Variants in NIPAL4 observed in about 807,000 individuals in gnomAD.
NIPAL4 encodes NIPA like domain containing 4, also known as magnesium transporter NIPA4.
Under a neutral mutation model 31.6 loss-of-function variants are expected in NIPAL4, and 21 were observed. The observed-to-expected ratio is 0.67, with a 90% CI of 0.47 to 0.96. The LOEUF is 0.96. NIPAL4 is among the 40% of genes least tolerant of loss of function. The probability of loss-of-function intolerance (pLI) is 0.00; values close to 1 mark genes in which losing one functional copy is unlikely to be tolerated. For missense variants in NIPAL4, 438 were observed against 508.0 expected, an observed-to-expected ratio of 0.86 and a Z score of 1.32; for synonymous variants, 175 against 211.1, an observed-to-expected ratio of 0.83 and a Z score of 1.48.
intron 1 of NIPAL4, chr5:157,460,639 A>G: frequency 4.2e-6 from 2 of 472,114 alleles, no homozygotes; most frequent in Non-Finnish European, 8.3e-6. Flanking sequence ...ACGACAGCAG[A>G]CACCCTGAGA....
Position 157,463,216 on chromosome 5 carries a change from T to A in NIPAL4, c.160T>A (p.Tyr54Asn), listed in dbSNP as rs577010152. 14 of 1,613,914 alleles carry A rather than the reference T, an allele frequency of 8.7e-6. 1 individual carries two copies. Among genetic ancestry groups the A allele is most frequent in the Non-Finnish European group, 1.2e-5 (14 of 1,179,904 alleles). The change falls in exon 2 of 6, where the codon TAT becomes AAT. Residue 54 changes from tyrosine (Y) to asparagine (N), a missense_variant. Physicochemically the swap from Tyr to Asn is moderately radical, Grantham distance 143. Coordinates refer to ENST00000311946, the MANE Select transcript of NIPAL4 (RefSeq NM_001099287.2). ...HSWQERIRQN[Y>N]GFYIGLGLAF... is the part of the protein sequence containing the mutation. ...CTGGCAGGAAAGAATCAGGCAGAAC[T>A]ATGGCTTCTACATCGGCCTGGGCCT... is the stretch of plus-strand genomic sequence containing the variant.
chr5:157,468,829 T>G lies in NIPAL4; in HGVS notation c.425+17T>G. ...CCTCATAAGGTTATTGTCCCCTCTCTAGCTCTCTCTTTTTCTATTCCGTTT... is the reference window on the plus strand; with the variant it reads ...CCTCATAAGGTTATTGTCCCCTCTCGAGCTCTCTCTTTTTCTATTCCGTTT... On this transcript the variant is annotated intron_variant, in intron 4 of 5. Coordinates refer to ENST00000311946, the MANE Select transcript of NIPAL4 (RefSeq NM_001099287.2). 2 of 1,517,608 alleles carry G rather than the reference T, an allele frequency of 1.3e-6. No individual in the cohort carries two copies. The highest frequency in any genetic ancestry group is 1.8e-6 in the Non-Finnish European group (2 of 1,109,312). 94.0% of individuals were successfully genotyped at this position (1,517,608 alleles called of 1,614,324 possible).
chr5:157,467,111 T>C lies in NIPAL4; in HGVS notation c.334+6T>C, dbSNP rs1419606159. Reference sequence around the variant, plus strand: ...GTGGGCTGGATTTCTCACCAGTAAGTGGGTTGTTTGTTACTAATAACAGTG... The same window carrying C: ...GTGGGCTGGATTTCTCACCAGTAAGCGGGTTGTTTGTTACTAATAACAGTG... On this transcript the variant is annotated splice_donor_region_variant and intron_variant, in intron 3 of 5. Coordinates refer to ENST00000311946, the MANE Select transcript of NIPAL4 (RefSeq NM_001099287.2). 1.3e-6 allele frequency: 2 copies of C among 1,598,768 alleles called. No homozygotes were observed. Among genetic ancestry groups the C allele is most frequent in the African/African-American group, 2.7e-5 (2 of 74,314 alleles).
chr5:157,473,086 T>C lies in NIPAL4; in HGVS notation c.*126T>C. Reference sequence around the variant, plus strand: ...GCTCTCTTTTCTTGAGAAGTTCATTTATACCTCATCACTGTTTCCAGGAGA... The same window carrying C: ...GCTCTCTTTTCTTGAGAAGTTCATTCATACCTCATCACTGTTTCCAGGAGA... On this transcript the variant is annotated 3_prime_UTR_variant, in exon 6 of 6. Transcript: ENST00000311946. 1 of 746,304 alleles carries C rather than the reference T, an allele frequency of 1.3e-6. No individual in the cohort carries two copies. The highest frequency in any genetic ancestry group is 2.0e-6 in the Non-Finnish European group (1 of 493,574). 46.2% of individuals were successfully genotyped at this position (746,304 alleles called of 1,614,324 possible). A position where few individuals can be genotyped will look rare whatever the true frequency, so the allele number is the denominator to read the frequency against.
intron 2 of NIPAL4, among the ~76,000 whole-genome samples, chr5:157,465,495 C>T (rs1047605026): frequency 1.3e-5 from 2 of 152,196 alleles, no homozygotes; most frequent in African/African-American, 4.8e-5. Context: ...GAAACTGTCT[C>T]AAACCCATCT....
intron 2 of NIPAL4, among the ~76,000 whole-genome samples, chr5:157,464,175 A>C (rs751067257): frequency 6.6e-6 from 1 of 152,110 alleles, no homozygotes; most frequent in Non-Finnish European, 1.5e-5. Flanking sequence ...AGCAAGGTAA[A>C]AGGGGAAATA....
At chr5:157,472,311 C>A in intron 5 of NIPAL4, 21 bp from the exon 6 acceptor site, 1 of 1,581,226 alleles carries the variant, frequency 6.3e-7, no homozygotes, top group Non-Finnish European at 8.6e-7. Context: ...CCAAGTGATC[C>A]TTCTCTCTCT....
Position 157,465,423 on chromosome 5 carries a change from G to T in NIPAL4, c.278-1626G>T, listed in dbSNP as rs181700460. Among the ~76,000 whole-genome samples the T allele has an allele frequency of 2.8e-3, 432 of 152,148 alleles. 7 individuals carry two copies. The highest frequency in any genetic ancestry group is 9.1e-3 in the African/African-American group (378 of 41,478). ...CCTTTTTAGGAACCTAATGAAAATA[G>T]GACACCTCTTCCTTAGAAAAGTGGG... is the stretch of plus-strand genomic sequence containing the variant. On this transcript the variant is annotated intron_variant, in intron 2 of 5. Transcript: ENST00000311946.
rs1754490423 is a variant in NIPAL4 at position 157,473,136 on chromosome 5, G to C, written c.*176G>C. The stretch of plus-strand genomic sequence containing the variant: ...AAAAATCTTTACCCAAATAGCAATG[G>C]TGGCAGAACTTCCTGGAAACAGATT... On this transcript the variant is annotated 3_prime_UTR_variant, in exon 6 of 6. Coordinates refer to ENST00000311946, the MANE Select transcript of NIPAL4 (RefSeq NM_001099287.2). 2.0e-6 allele frequency: 1 copy of C among 496,864 alleles called. No homozygotes were observed. The highest frequency in any genetic ancestry group is 3.4e-6 in the Non-Finnish European group (1 of 296,110). The allele number at this position is 496,864 out of a possible 1,614,324, so 30.8% of individuals were successfully genotyped here.
In NIPAL4 at chr5:157,460,337, G is replaced by A. The variant is rs1754056466; in HGVS notation, c.17G>A (p.Ser6Asn). MELRV[S>N]NTSCENGSLL... is the part of the protein sequence containing the mutation. ...CCGGGCCCCATGGAGCTGCGGGTCA[G>A]CAACACCAGCTGCGAGAACGGTGCG... The change falls in exon 1 of 6, where the codon AGC becomes AAC. Residue 6 changes from serine to asparagine, a missense_variant. Ser to Asn is a conservative substitution (Grantham distance 46, BLOSUM62 1). Transcript: ENST00000311946. 6.5e-7 allele frequency: 1 copy of A among 1,547,512 alleles called. No individual in the cohort carries two copies. Among genetic ancestry groups the A allele is most frequent in the Non-Finnish European group, 8.7e-7 (1 of 1,146,226 alleles).
At chr5:157,469,947 G>C (rs748549854) in intron 4 of NIPAL4, among the ~76,000 whole-genome samples, 1 of 152,172 alleles carries the variant, frequency 6.6e-6, no homozygotes, top group African/African-American at 2.4e-5. Context: ...TTCCTACCCG[G>C]GGGAAGTTGG....
At chr5:157,463,744 G>A (rs1408381945) in intron 2 of NIPAL4, among the ~76,000 whole-genome samples, 2 of 152,164 alleles carry the variant, frequency 1.3e-5, no homozygotes, top group African/African-American at 4.8e-5. Context: ...ACGCTGGTGT[G>A]CCCTCACTTA....
intron 1 of NIPAL4, among the ~76,000 whole-genome samples, chr5:157,462,298 G>A (rs1015889905): frequency 1.3e-5 from 2 of 152,086 alleles, no homozygotes; most frequent in East Asian, 1.9e-4. Context: ...ATTTTTCACC[G>A]TAGCCTCCCA....
chr5:157,473,028 C>A lies in NIPAL4; in HGVS notation c.*68C>A. 5.1e-6 allele frequency: 7 copies of A among 1,359,956 alleles called. No homozygotes were observed. Among genetic ancestry groups the A allele is most frequent in the Non-Finnish European group, 6.9e-6 (7 of 1,020,116 alleles). 84.2% of individuals were successfully genotyped at this position (1,359,956 alleles called of 1,614,324 possible). ...CCTGCCCTCCCAATTTCAAAACCAC[C>A]TGGTTATTTTCCAGTGCAACTGTTA... On this transcript the variant is annotated 3_prime_UTR_variant, in exon 6 of 6. Coordinates refer to ENST00000311946, the MANE Select transcript of NIPAL4 (RefSeq NM_001099287.2).
chr5:157,472,706 T>C lies in NIPAL4; in HGVS notation c.961T>C (p.Ser321Pro). 1 of 1,614,008 alleles carries C rather than the reference T, an allele frequency of 6.2e-7. No homozygotes were observed. The highest frequency in any genetic ancestry group is 1.1e-5 in the South Asian group (1 of 91,082). The change falls in exon 6 of 6, where the codon TCT becomes CCT. Residue 321 changes from serine (S) to proline (P), a missense_variant. Physicochemically the swap from Ser to Pro is moderately conservative, Grantham distance 74 (BLOSUM62 -1). Coordinates refer to ENST00000311946, the MANE Select transcript of NIPAL4 (RefSeq NM_001099287.2). ...CCTCTTCAAGGAGTGGTACAGCATG[T>C]CTGCTGTGGACATTGCAGGCACCCT... is the stretch of plus-strand genomic sequence containing the variant. ...IILFKEWYSM[S>P]AVDIAGTLSG...
At position 157,473,014 on chromosome 5, in the gene NIPAL4, A is replaced by T. The variant is rs1754486551; in HGVS notation, c.*54A>T. Reference sequence around the variant, plus strand: ...GTCCGATGGTACAGCCTGCCCTCCCAATTTCAAAACCACCTGGTTATTTTC... The same window carrying T: ...GTCCGATGGTACAGCCTGCCCTCCCTATTTCAAAACCACCTGGTTATTTTC... On this transcript the variant is annotated 3_prime_UTR_variant, in exon 6 of 6. Transcript: ENST00000311946. 7.0e-7 allele frequency: 1 copy of T among 1,426,616 alleles called. No individual in the cohort carries two copies. The highest frequency in any genetic ancestry group is 1.4e-5 in the African/African-American group (1 of 70,436). The allele number at this position is 1,426,616 out of a possible 1,614,324, so 88.4% of individuals were successfully genotyped here.
At chr5:157,472,273 C>T in intron 5 of NIPAL4, 59 bp from the exon 6 acceptor site, 1 of 1,508,864 alleles carries the variant, frequency 6.6e-7, no homozygotes, top group African/African-American at 1.4e-5. Flanking sequence ...TGAGTCTGGG[C>T]CCTAGACATT....
chr5:157,471,565 T>C (rs1297034204), intron 4 of NIPAL4, 92 bp from the exon 5 acceptor site: 1 of 995,924 alleles, frequency 1.0e-6, no homozygotes, highest in East Asian at 2.6e-5. Context: ...TGATCTGTTG[T>C]TCTCTGTGAG....
At position 157,472,327 on chromosome 5, in the gene NIPAL4, C is replaced by A. The variant is rs200497471; in HGVS notation, c.587-5C>A. The A allele has an allele frequency of 8.5e-5, 136 of 1,595,246 alleles. No homozygotes were observed. The East Asian group carries it at 2.6e-3, about 30-fold the overall frequency. The stretch of plus-strand genomic sequence containing the variant: ...CAAGTGATCCTTCTCTCTCTCCTCC[C>A]AAAGGGTTCATCGTGTTTGCTGTGC... On this transcript the variant is annotated splice_polypyrimidine_tract_variant and splice_region_variant and intron_variant, in intron 5 of 5. Coordinates refer to ENST00000311946, the MANE Select transcript of NIPAL4 (RefSeq NM_001099287.2).
Sources: allele counts gnomAD v4.1 joint callset (sites outside exome capture counted in the v4.1 genomes callset), GRCh38; gene constraint gnomAD v4.1.1; transcripts MANE v1.5; gene names NCBI Gene and HGNC (gene_info 2026-07-23, HGNC 2026-07-21).